The following UVSSA variants were observed in gnomAD, a reference collection of about 807,000 sequenced individuals.
UVSSA encodes UV-stimulated scaffold protein A.
A neutral mutation model predicts 73.9 loss-of-function variants in UVSSA; 72 were observed. The ratio of observed to expected loss-of-function variants is 0.97; its 90% CI spans 0.81 to 1.19. The LOEUF (loss-of-function observed/expected upper bound fraction) is 1.19, where lower values mean the gene tolerates loss of function less well. Among genes scored for constraint, UVSSA ranks in the 50% most tolerant of loss-of-function variants. The pLI is 0.00. For missense variants in UVSSA, 1,150 were observed against 965.0 expected, an observed-to-expected ratio of 1.19 and a Z score of -2.54; for synonymous variants, 454 against 391.3, an observed-to-expected ratio of 1.16 and a Z score of -1.89.
At chr4:1,358,481 A>C (rs1271558075) in intron 7 of UVSSA, 1 of 152,254 alleles carries the variant, frequency 6.6e-6, no homozygotes, top group Non-Finnish European at 1.5e-5. Flanking sequence ...ACCGTTCTGA[A>C]GTCCTTGGAG....
In UVSSA at chr4:1,394,433, T is replaced by C. The variant is rs573463712; in HGVS notation, c.*8472T>C. The C allele has an allele frequency of 5.9e-4, 938 of 1,598,748 alleles. 2 individuals are homozygous for C. The highest frequency in any genetic ancestry group is 7.6e-4 in the Non-Finnish European group (887 of 1,169,084). Reference sequence around the variant, plus strand: ...CATATTGAAATCATTGATCTACTTCTAGTTTTTGATACAAAATGTGAGCCA... The same window carrying C: ...CATATTGAAATCATTGATCTACTTCCAGTTTTTGATACAAAATGTGAGCCA... On this transcript the variant is annotated 3_prime_UTR_variant, in exon 14 of 14. Transcript: ENST00000511216.
chr4:1,349,846 A>G lies in UVSSA; in HGVS notation c.421A>G (p.Asn141Asp). The G allele has an allele frequency of 6.5e-7, 1 of 1,546,618 alleles. No homozygotes were observed. The highest frequency in any genetic ancestry group is 8.7e-7 in the Non-Finnish European group (1 of 1,147,068). ...CTTGGGCTACCACTTCTTAAGACAC[A>G]ACAAAAAGGTAGGTGGGCCTGGCCC... Reference protein sequence around the residue: ...LALGYHFLRHNKKVDFQDTNA... With the variant: ...LALGYHFLRHDKKVDFQDTNA... Residue 141 changes from asparagine (N) to aspartate (D), a missense_variant, in exon 3 of 14, where the codon AAC becomes GAC. Transcript: ENST00000389851.
At chr4:1,369,164 G>T (rs1435069981) in intron 8 of UVSSA, among the ~76,000 whole-genome samples, 5 of 152,286 alleles carry the variant, frequency 3.3e-5, no homozygotes, top group African/African-American at 9.6e-5. Flanking sequence ...GTGCCGATGT[G>T]CCCTGTGGGC....
At position 1,354,826 on chromosome 4, in the gene UVSSA, G is replaced by A. The variant is rs139957083; in HGVS notation, c.1026G>A (p.Pro342=). Residue 342 remains proline (P), a synonymous_variant, in exon 6 of 14, where the codon CCG becomes CCA. Transcript: ENST00000389851. Reference sequence around the variant, plus strand: ...AGCTCATCCGGAACAAGTTCCTGCCGGCTGTGTGCTCGTGGATCCAGGTGA... The same window carrying A: ...AGCTCATCCGGAACAAGTTCCTGCCAGCTGTGTGCTCGTGGATCCAGGTGA... ...TLKLIRNKFL[P]AVCSWIQRFT... is the part of the protein sequence containing the mutation. 5.8e-5 allele frequency: 94 copies of A among 1,612,698 alleles called. No homozygotes were observed. The highest frequency in any genetic ancestry group is 5.7e-4 in the Admixed American group (34 of 59,942).
In UVSSA at chr4:1,351,841, T is replaced by C. The variant is rs1714803849; in HGVS notation, c.550+6T>C. The C allele has an allele frequency of 1.9e-6, 3 of 1,612,538 alleles. No homozygotes were observed. Among genetic ancestry groups the C allele is most frequent in the Non-Finnish European group, 2.5e-6 (3 of 1,179,182 alleles). ...GGCGGAGAGGGAGATGCAAGGCAAG[T>C]GTCCAGGACGGAGGGAGGGGCCCAC... On this transcript the variant is annotated splice_donor_region_variant and intron_variant, in intron 4 of 13. Transcript: ENST00000389851.
intron 6 of UVSSA, 133 bp downstream of exon 6, chr4:1,354,980 C>T: frequency 6.5e-7 from 1 of 1,527,540 alleles, no homozygotes; most frequent in Admixed American, 2.0e-5. Context: ...CTGTCCCTCA[C>T]CCGCAGCTTT....
At position 1,380,245 on chromosome 4, in the gene UVSSA, C is replaced by T. The variant is rs200024942; in HGVS notation, c.1752+15C>T. 4 of 1,600,840 alleles carry T rather than the reference C, an allele frequency of 2.5e-6. No homozygotes were observed. Among genetic ancestry groups the T allele is most frequent in the African/African-American group, 1.3e-5 (1 of 74,790 alleles). On this transcript the variant is annotated intron_variant, in intron 11 of 13. Coordinates refer to ENST00000389851, the MANE Select transcript of UVSSA (RefSeq NM_020894.4). Reference sequence around the variant, plus strand: ...ACCGGCTGAAGGTGAGGCCGTGGCCCGAGGGCGGGGGTGGGTGTGGGCTGG... The same window carrying T: ...ACCGGCTGAAGGTGAGGCCGTGGCCTGAGGGCGGGGGTGGGTGTGGGCTGG...
chr4:1,353,173 G>A lies in UVSSA; in HGVS notation c.694G>A (p.Ala232Thr), dbSNP rs756645260. The A allele has an allele frequency of 1.2e-5, 20 of 1,612,690 alleles. No homozygotes were observed. The highest frequency in any genetic ancestry group is 1.6e-4 in the Middle Eastern group (1 of 6,084). ...GMSDALRSSCAGQVGPCRSGT... is the reference protein window; with the variant it reads ...GMSDALRSSCTGQVGPCRSGT... ...GTCCGATGCCCTTCGCTCCTCCTGC[G>A]CGGGCCAGGTGGGCCCCTGCCGGTC... The change falls in exon 5 of 14, where the codon GCG becomes ACG. Residue 232 changes from alanine to threonine, a missense_variant. Transcript: ENST00000389851.
At chr4:1,394,117 A>T (rs547876913) in exon 14 of UVSSA, 1 of 341,308 alleles carries the variant, frequency 2.9e-6, no homozygotes, top group Non-Finnish European at 5.5e-6. Flanking sequence ...CACAGCCACA[A>T]AGCCAGCCAG....
At position 1,380,233 on chromosome 4, in the gene UVSSA, G is replaced by A. The variant is rs1437195179; in HGVS notation, c.1752+3G>A. The A allele has an allele frequency of 6.2e-7, 1 of 1,609,330 alleles. No individual in the cohort carries two copies. On this transcript the variant is annotated splice_donor_region_variant and intron_variant, in intron 11 of 13. Transcript: ENST00000389851. ...GTGAGCGCCAAGACCGGCTGAAGGTGAGGCCGTGGCCCGAGGGCGGGGGTG... is the reference window on the plus strand; with the variant it reads ...GTGAGCGCCAAGACCGGCTGAAGGTAAGGCCGTGGCCCGAGGGCGGGGGTG...
chr4:1,348,249 G>A, intron 2 of UVSSA, 60 bp downstream of exon 2: 2 of 1,379,594 alleles, frequency 1.4e-6, no homozygotes, highest in Admixed American at 1.7e-5. Flanking sequence ...GACACACACA[G>A]GGCCCTGCCC....
At chr4:1,389,003 G>T (rs1396125350), downstream of UVSSA, 1 of 152,264 alleles carries the variant, frequency 6.6e-6, no homozygotes, top group South Asian at 2.1e-4. Flanking sequence ...GTGAAAGATT[G>T]TTGTTAATTA....
Position 1,347,248 on chromosome 4 carries a change from A to T in UVSSA, c.-515A>T, listed in dbSNP as rs1158403144. ...GTCAGCGGTAGGTGGGGCTGTGGTT[A>T]CGCTGCCGGGCGGGGGTCGCGCCGG... On this transcript the variant is annotated 5_prime_UTR_variant, in exon 1 of 14. Coordinates refer to ENST00000389851, the MANE Select transcript of UVSSA (RefSeq NM_020894.4). 4 of 152,092 alleles carry T rather than the reference A, an allele frequency of 2.6e-5. No homozygotes were observed. The highest frequency in any genetic ancestry group is 9.7e-5 in the African/African-American group (4 of 41,450). The allele number at this position is 152,092 out of a possible 1,614,324, so 9.4% of individuals were successfully genotyped here. A position where few individuals can be genotyped will look rare whatever the true frequency, so the allele number is the denominator to read the frequency against.
At chr4:1,344,848 C>A (rs373953362), upstream of UVSSA, among the ~76,000 whole-genome samples, 9 of 152,240 alleles carry the variant, frequency 5.9e-5, no homozygotes, top group African/African-American at 2.2e-4. Flanking sequence ...GAAGTATTTG[C>A]TCAGGGTGAG....
chr4:1,362,216 A>G (rs1716748203), intron 7 of UVSSA, among the ~76,000 whole-genome samples: 1 of 152,226 alleles, frequency 6.6e-6, no homozygotes, highest in East Asian at 1.9e-4. Context: ...CAGAGGCCGG[A>G]GTGCTCCTGC....
At chr4:1,346,928 G>A (rs1444555710), upstream of UVSSA, among the ~76,000 whole-genome samples, 1 of 152,220 alleles carries the variant, frequency 6.6e-6, no homozygotes, top group Non-Finnish European at 1.5e-5. Context: ...CTCGCCGGGA[G>A]CGCGCCTACG....
intron 7 of UVSSA, among the ~76,000 whole-genome samples, chr4:1,361,569 G>A (rs985882131): frequency 1.3e-5 from 2 of 152,198 alleles, no homozygotes; most frequent in East Asian, 1.9e-4. Context: ...TGCCCTTCCC[G>A]CACGCTTGCT....
chr4:1,351,166 C>T (rs1321446178), intron 3 of UVSSA, among the ~76,000 whole-genome samples: 3 of 150,648 alleles, frequency 2.0e-5, no homozygotes, highest in East Asian at 2.0e-4. Context: ...CCCGGGTTCA[C>T]GCCATTCTCC....
At chr4:1,343,545 A>G (rs1006538714), upstream of UVSSA, among the ~76,000 whole-genome samples, 1 of 152,098 alleles carries the variant, frequency 6.6e-6, no homozygotes, top group African/African-American at 2.4e-5. Flanking sequence ...CATCTAAGGT[A>G]TTGCCACCTC....
Sources: allele counts gnomAD v4.1 joint callset (sites outside exome capture counted in the v4.1 genomes callset), GRCh38; gene constraint gnomAD v4.1.1; transcripts MANE v1.5; gene names NCBI Gene and HGNC (gene_info 2026-07-23, HGNC 2026-07-21).